Variants in DLGAP2 observed in about 807,000 individuals in gnomAD.
The protein encoded by DLGAP2 is disks large-associated protein 2.
Under a neutral mutation model 100.3 loss-of-function variants are expected in DLGAP2, and 26 were observed. That is an observed-to-expected ratio of 0.26 (90% CI 0.19 to 0.36). DLGAP2 has a LOEUF of 0.36. DLGAP2 is among the 10% of genes least tolerant of loss of function. DLGAP2 has a pLI of 1.00. For missense variants in DLGAP2, 1,858 were observed against 1,453.2 expected (o/e 1.28, Z -4.53); for synonymous variants, 886 against 630.1 (o/e 1.41, Z -6.08).
chr8:922,252 C>T (rs994716835), intron 2 of DLGAP2, among the ~76,000 whole-genome samples: 11 of 152,134 alleles, frequency 7.2e-5, no homozygotes, highest in Admixed American at 1.3e-4. Context: ...ACCCATTAAC[C>T]GTATCTCTAT....
intron 3 of DLGAP2, among the ~76,000 whole-genome samples, chr8:1,359,006 C>T (rs1423280442): frequency 6.6e-6 from 1 of 152,188 alleles, no homozygotes; most frequent in Admixed American, 6.5e-5. Flanking sequence ...GCTGCTGAAA[C>T]ACAGAGTGCA....
chr8:1,543,353 A>G (rs1442917633), intron 4 of DLGAP2, among the ~76,000 whole-genome samples: 1 of 152,186 alleles, frequency 6.6e-6, no homozygotes, highest in African/African-American at 2.4e-5. Context: ...AGCCACTTTG[A>G]GTTCATTTTT....
chr8:1,275,456 G>C (rs1799663386), intron 3 of DLGAP2, among the ~76,000 whole-genome samples: 1 of 151,702 alleles, frequency 6.6e-6, no homozygotes, highest in East Asian at 1.9e-4. Context: ...ACTGGTCCTG[G>C]GGCCATCCGG....
intron 2 of DLGAP2, among the ~76,000 whole-genome samples, chr8:1,095,968 A>T (rs1045856820): frequency 2.0e-5 from 3 of 152,250 alleles, no homozygotes; most frequent in African/African-American, 7.2e-5. Context: ...AGAGAACTGA[A>T]TATTTTAAAA....
chr8:1,324,091 G>A (rs1800967554), intron 3 of DLGAP2, among the ~76,000 whole-genome samples: 1 of 152,160 alleles, frequency 6.6e-6, no homozygotes, highest in East Asian at 1.9e-4. Context: ...TAGGGCCTCT[G>A]GCTTAGTGAA....
chr8:1,690,298 G>C (rs373471030), intron 12 of DLGAP2, among the ~76,000 whole-genome samples: 51 of 152,072 alleles, frequency 3.4e-4, no homozygotes, highest in African/African-American at 1.1e-3. Context: ...GGAGGCTGCA[G>C]TGAGCCAAGA....
At chr8:864,309 G>C (rs1169291883) in intron 1 of DLGAP2, among the ~76,000 whole-genome samples, 1 of 152,258 alleles carries the variant, frequency 6.6e-6, no homozygotes, top group African/African-American at 2.4e-5. Flanking sequence ...CGTACGGTAT[G>C]TCCCAAAATA....
intron 2 of DLGAP2, among the ~76,000 whole-genome samples, chr8:1,150,672 C>G (rs1268565846): frequency 6.6e-6 from 1 of 152,150 alleles, no homozygotes; most frequent in Non-Finnish European, 1.5e-5. Context: ...GGAGGTTATT[C>G]TAATGCTAGA....
Position 1,549,275 on chromosome 8 carries a change from C to CAGCAAGAGG in DLGAP2, c.831_839dup (p.Arg277_Lys279dup), listed in dbSNP as rs1563214969. Reference sequence around the variant, plus strand: ...ACCACCACGCCCACCACGCCAAGCACAGCAAGAGGAGCAAGAGCAAGGAGC... The same window carrying CAGCAAGAGG: ...ACCACCACGCCCACCACGCCAAGCACAGCAAGAGGAGCAAGAGGAGCAAGAGCAAGGAGC... On this transcript the variant is annotated inframe_insertion, in exon 5 of 15. Coordinates refer to ENST00000637795, the MANE Select transcript of DLGAP2 (RefSeq NM_001346810.2). The CAGCAAGAGG allele has an allele frequency of 6.2e-7, 1 of 1,611,786 alleles. No homozygotes were observed. Among genetic ancestry groups the CAGCAAGAGG allele is most frequent in the Admixed American group, 1.7e-5 (1 of 59,906 alleles).
chr8:857,200 C>A (rs1441691696), intron 1 of DLGAP2, among the ~76,000 whole-genome samples: 1 of 152,176 alleles, frequency 6.6e-6, no homozygotes, highest in African/African-American at 2.4e-5. Context: ...AGACCTTACA[C>A]CCTTTACAAA....
At position 1,250,885 on chromosome 8, in the gene DLGAP2, G is replaced by A. The variant is rs1048671488; in HGVS notation, c.74-7966G>A. On this transcript the variant is annotated intron_variant, in intron 2 of 14. Transcript: ENST00000637795. ...ACGACGGGGTGACGCTCTGAGAAACGTGCCCTTAGGCGGCTTTGTTGTGTT... is the reference window on the plus strand; with the variant it reads ...ACGACGGGGTGACGCTCTGAGAAACATGCCCTTAGGCGGCTTTGTTGTGTT... 2.6e-5 allele frequency among the ~76,000 whole-genome samples: 4 copies of A among 152,170 alleles called. No individual in the cohort carries two copies. In the East Asian group the frequency reaches 7.7e-4, roughly 29 times the overall value.
intron 6 of DLGAP2, among the ~76,000 whole-genome samples, chr8:1,608,783 G>C (rs954497289): frequency 2.0e-5 from 3 of 149,986 alleles, no homozygotes; most frequent in South Asian, 2.2e-4. Context: ...TGGAAGAAAG[G>C]GTATCAGCAG....
At chr8:1,239,600 TG>T (rs1798739097) in intron 2 of DLGAP2, among the ~76,000 whole-genome samples, 1 of 85,392 alleles carries the variant, frequency 1.2e-5, no homozygotes, top group Non-Finnish European at 2.2e-5. Context: ...ACCTATCACA[TG>T]GTGCCGTGTC....
At chr8:1,258,416 C>G (rs907742457) in intron 2 of DLGAP2, among the ~76,000 whole-genome samples, 1 of 150,548 alleles carries the variant, frequency 6.6e-6, no homozygotes, top group East Asian at 2.0e-4. Context: ...GGGAATGTCA[C>G]ACACTGGGGC....
rs919583491 is a variant in DLGAP2 at position 1,429,616 on chromosome 8, C to T, written c.107-71750C>T. On this transcript the variant is annotated intron_variant, in intron 3 of 14. Transcript: ENST00000637795. ...TAATCCTAAAGACAGTCATCCACAG[C>T]CACTGAGAGGAGGGGAGAAATATGT... Among the ~76,000 whole-genome samples the T allele has an allele frequency of 8.5e-5, 13 of 152,072 alleles. No homozygotes were observed. The East Asian group carries it at 1.6e-3, about 18-fold the overall frequency.
At chr8:823,806 C>T (rs1385786218) in intron 1 of DLGAP2, among the ~76,000 whole-genome samples, 6 of 152,310 alleles carry the variant, frequency 3.9e-5, no homozygotes, top group African/African-American at 1.2e-4. Context: ...TTCGGGAGCC[C>T]GGGGCAGCCA....
chr8:1,438,902 T>G (rs1797738866), intron 3 of DLGAP2, among the ~76,000 whole-genome samples: 1 of 152,218 alleles, frequency 6.6e-6, no homozygotes, highest in Non-Finnish European at 1.5e-5. Context: ...CTTCATTTTT[T>G]TTACTAGAAA....
intron 2 of DLGAP2, among the ~76,000 whole-genome samples, chr8:1,108,804 A>T (rs1366640367): frequency 2.5e-5 from 2 of 79,460 alleles, no homozygotes; most frequent in Admixed American, 1.5e-4. Flanking sequence ...GTGAGGTGTG[A>T]ATGTGTCTAT....
rs76482614 is a variant in DLGAP2 at position 1,441,016 on chromosome 8, A to C, written c.107-60350A>C. On this transcript the variant is annotated intron_variant, in intron 3 of 14. Coordinates refer to ENST00000637795, the MANE Select transcript of DLGAP2 (RefSeq NM_001346810.2). ...TTCCAGCCAAATGGTAGGGGCATAC[A>C]TAGAAAAATGAAACATTTGTGGTTG... Among the ~76,000 whole-genome samples the C allele has an allele frequency of 4.2e-3, 640 of 152,336 alleles. 3 individuals carry two copies. The highest frequency in any genetic ancestry group is 0.02 in the Middle Eastern group (6 of 294).
Sources: allele counts gnomAD v4.1 joint callset (sites outside exome capture counted in the v4.1 genomes callset), GRCh38; gene constraint gnomAD v4.1.1; transcripts MANE v1.5; gene names NCBI Gene and HGNC (gene_info 2026-07-23, HGNC 2026-07-21).